TASP1: variants seen among roughly 807,000 people sequenced by gnomAD.
TASP1 encodes the protein taspase 1, also known as threonine aspartase 1.
In TASP1, 16 loss-of-function variants were observed where a neutral mutation model predicts 56.6. The ratio of observed to expected loss-of-function variants is 0.28; its 90% CI spans 0.19 to 0.43. The LOEUF is 0.43. Among genes scored for constraint, TASP1 ranks in the 20% least tolerant of loss-of-function variants. The pLI is 1.00. For missense variants in TASP1, 393 were observed against 511.6 expected (o/e 0.77, Z 2.24); for synonymous variants, 179 against 184.2 (o/e 0.97, Z 0.23).
At chr20:13,214,346 T>A in the TASP1 span, among the ~76,000 whole-genome samples, 3 of 152,170 alleles carry the variant, frequency 2.0e-5, no homozygotes, top group African/African-American at 7.2e-5. Flanking sequence ...TGGTTTCAGC[T>A]GTGTTCTCTT....
chr20:13,217,835 A>G, the TASP1 span, among the ~76,000 whole-genome samples: 2 of 152,238 alleles, frequency 1.3e-5, no homozygotes, highest in South Asian at 2.1e-4. Context: ...CACAATGTCT[A>G]TGAACAAAGT....
chr20:13,361,750 C>G, the TASP1 span, among the ~76,000 whole-genome samples: 1 of 152,100 alleles, frequency 6.6e-6, no homozygotes, highest in Non-Finnish European at 1.5e-5. Flanking sequence ...CTTGTTTACA[C>G]TGCCAGTTTA....
At chr20:13,436,090 T>C (rs2042991308) in intron 11 of TASP1, among the ~76,000 whole-genome samples, 1 of 152,034 alleles carries the variant, frequency 6.6e-6, no homozygotes, top group South Asian at 2.1e-4. Flanking sequence ...AGCAAACCCA[T>C]GAAAGCTGAA....
intron 10 of TASP1, among the ~76,000 whole-genome samples, chr20:13,487,515 C>G (rs2043370446): frequency 6.6e-6 from 1 of 152,146 alleles, no homozygotes. Context: ...GCCAGGTCAT[C>G]TCACATTAAT....
the TASP1 span, among the ~76,000 whole-genome samples, chr20:13,288,005 T>C: frequency 6.6e-6 from 1 of 152,208 alleles, no homozygotes; most frequent in Non-Finnish European, 1.5e-5. Context: ...CTGGTGTCTG[T>C]AGTCCATGTG....
the TASP1 span, among the ~76,000 whole-genome samples, chr20:13,258,648 C>T: frequency 6.6e-6 from 1 of 152,100 alleles, no homozygotes; most frequent in Non-Finnish European, 1.5e-5. Context: ...TTTTCTCGAA[C>T]CTCAGTTAAC....
chr20:13,435,093 G>A lies in TASP1; in HGVS notation c.1047C>T (p.Cys349=). 3 of 1,610,928 alleles carry A rather than the reference G, an allele frequency of 1.9e-6. No homozygotes were observed. The highest frequency in any genetic ancestry group is 1.7e-6 in the Non-Finnish European group (2 of 1,178,564). The change falls in exon 12 of 14, where the codon TGC becomes TGT. Residue 349 remains cysteine (C), a synonymous_variant. Coordinates refer to ENST00000337743, the MANE Select transcript of TASP1 (RefSeq NM_017714.3). ...AGGAGTCAGGCTCGGCAGAACATCT[G>A]CATGAACGGAGGACAATCACTCCGC... is the stretch of plus-strand genomic sequence containing the variant. ...VLGGVIVLRS[C]RCSAEPDSSQ...
the TASP1 span, among the ~76,000 whole-genome samples, chr20:13,356,656 C>A: frequency 1.3e-5 from 2 of 152,184 alleles, no homozygotes; most frequent in South Asian, 4.1e-4. Context: ...CTAGATAACA[C>A]TTAACTTTTC....
At chr20:13,236,165 C>T in the TASP1 span, among the ~76,000 whole-genome samples, 2 of 152,114 alleles carry the variant, frequency 1.3e-5, no homozygotes, top group African/African-American at 2.4e-5. Context: ...CCTTGTGATC[C>T]ACCCACCTCG....
the TASP1 span, among the ~76,000 whole-genome samples, chr20:13,202,639 T>G: frequency 6.6e-6 from 1 of 152,188 alleles, no homozygotes; most frequent in South Asian, 2.1e-4. Flanking sequence ...CAATTCACCA[T>G]TAGGGTAGCC....
At chr20:13,619,790 C>G (rs1223421290) in intron 4 of TASP1, among the ~76,000 whole-genome samples, 2 of 152,124 alleles carry the variant, frequency 1.3e-5, no homozygotes, top group Admixed American at 6.5e-5. Context: ...ATCCAGTGAA[C>G]AGAATTCACT....
At chr20:13,127,921 T>C in the TASP1 span, among the ~76,000 whole-genome samples, 35 of 152,342 alleles carry the variant, frequency 2.3e-4, no homozygotes, top group African/African-American at 8.2e-4. Context: ...GAAGCCCTTA[T>C]GGTATGAGAC....
intron 11 of TASP1, among the ~76,000 whole-genome samples, chr20:13,450,871 G>C (rs899802840): frequency 1.4e-4 from 22 of 152,196 alleles, no homozygotes; most frequent in African/African-American, 5.3e-4. Flanking sequence ...AATCCTGATG[G>C]AGAAGGTTTT....
At chr20:13,372,093 G>A in the TASP1 span, among the ~76,000 whole-genome samples, 10 of 152,162 alleles carry the variant, frequency 6.6e-5, no homozygotes, top group East Asian at 9.6e-4. Flanking sequence ...TTTCAGTCTC[G>A]TCTGATACCC....
intron 8 of TASP1, among the ~76,000 whole-genome samples, chr20:13,535,923 G>A (rs185819688): frequency 1.3e-5 from 2 of 152,178 alleles, no homozygotes; most frequent in South Asian, 2.1e-4. Flanking sequence ...TTCTCTGGTA[G>A]GTAAGATTAA....
chr20:13,151,714 A>G, the TASP1 span, among the ~76,000 whole-genome samples: 4 of 152,366 alleles, frequency 2.6e-5, no homozygotes, highest in East Asian at 7.7e-4. Context: ...GAGCAAAGGA[A>G]AACTTAAAGG....
At chr20:13,123,616 G>A in the TASP1 span, among the ~76,000 whole-genome samples, 1 of 152,152 alleles carries the variant, frequency 6.6e-6, no homozygotes, top group Non-Finnish European at 1.5e-5. Context: ...CAAGGGGACA[G>A]TTCCTCATCC....
chr20:13,575,616 G>C (rs2046876541), intron 6 of TASP1, among the ~76,000 whole-genome samples: 1 of 151,974 alleles, frequency 6.6e-6, no homozygotes, highest in South Asian at 2.1e-4. Flanking sequence ...CCCAGTCCTG[G>C]GTATTAGTTC....
chr20:13,299,802 G>A, the TASP1 span: 2 of 229,572 alleles, frequency 8.7e-6, no homozygotes, highest in Admixed American at 5.0e-5. This position sits in a 1 kb window ranked among gnomAD's most constrained non-coding sequence, Gnocchi z 5.8. Context: ...GGCAAAGGGG[G>A]AAAGAGACTG....
Sources: gnomAD v4.1 joint callset for allele counts (sites outside exome capture counted in the v4.1 genomes callset) on GRCh38, gnomAD v4.1.1 for gene constraint, Gnocchi (gnomAD v3.1) non-coding constraint, MANE v1.5 for transcripts, NCBI Gene and HGNC (gene_info 2026-07-23, HGNC 2026-07-21) for gene names.